The following CUX1 variants were observed in gnomAD, a reference collection of about 807,000 sequenced individuals.
CUX1 encodes protein CASP.
CUX1 carries 31 observed loss-of-function variants against 158.8 expected under a neutral mutation model. The ratio of observed to expected loss-of-function variants is 0.20; its 90% CI spans 0.15 to 0.26. The LOEUF (loss-of-function observed/expected upper bound fraction) is 0.26, where lower values mean the gene tolerates loss of function less well. Ranked by LOEUF, CUX1 falls within the 10% of genes least tolerant of loss-of-function variation. The pLI is 1.00. For synonymous variants in CUX1, 879 were observed against 862.1 expected, an observed-to-expected ratio of 1.02 and a Z score of -0.34; for missense variants, 1,589 against 2,014.6, an observed-to-expected ratio of 0.79 and a Z score of 4.04.
chr7:101,877,775 TGTGTGTGTGTGTG>T (rs1177254530), intron 1 of CUX1, among the ~76,000 whole-genome samples: 1 of 103,824 alleles, frequency 9.6e-6, no homozygotes, highest in Non-Finnish European at 1.8e-5. Context: ...TGTGTGTGTG[TGTGTGTGTGTGTG>T]TGTGTGTGTG....
rs1554546778 is a variant in CUX1, at chr7:102,273,416, A to G, written c.1306A>G (p.Thr436Ala). Residue 436 changes from threonine to alanine, a missense_variant, in exon 15 of 23, where the codon ACT (threonine) becomes GCT (alanine). Thr to Ala is a moderately conservative substitution (Grantham distance 58). Coordinates refer to the CUX1 transcript ENST00000292538. ...TATCACTGAGGCTGTGGCCACAGCC[A>G]CTGAGCAGAGAGAGCTGATCGCCCG... 6 of 1,613,004 alleles carry G rather than the reference A, an allele frequency of 3.7e-6. No homozygotes were observed. The African/African-American group carries it at 6.7e-5, about 18-fold the overall frequency.
intron 3 of CUX1, among the ~76,000 whole-genome samples, chr7:102,047,617 G>C (rs1353924707): frequency 6.6e-6 from 1 of 152,036 alleles, no homozygotes; most frequent in Non-Finnish European, 1.5e-5. Context: ...TGGATGATTA[G>C]AAAGCAGTAT....
At chr7:102,053,779 C>T (rs1413867901) in intron 3 of CUX1, among the ~76,000 whole-genome samples, 1 of 149,036 alleles carries the variant, frequency 6.7e-6, no homozygotes, top group Non-Finnish European at 1.5e-5. Flanking sequence ...TTCAAAACTT[C>T]CATTCTGTGG....
At chr7:102,074,348 G>T (rs985124494) in intron 4 of CUX1, among the ~76,000 whole-genome samples, 2 of 152,218 alleles carry the variant, frequency 1.3e-5, no homozygotes, top group Non-Finnish European at 2.9e-5. Context: ...CTGGATCACA[G>T]GGAGAGCCGC....
Position 101,828,001 on chromosome 7 carries a change from G to C in CUX1, c.30+10332G>C, listed in dbSNP as rs574944656. Reference sequence around the variant, plus strand: ...TTTTTTTTTTTTTTTTTTGAGATGGGAGTTTTACCCTGTCACCCAGGCTGG... The same window carrying C: ...TTTTTTTTTTTTTTTTTTGAGATGGCAGTTTTACCCTGTCACCCAGGCTGG... On this transcript the variant is annotated intron_variant, in intron 1 of 23. Coordinates refer to ENST00000292535, the MANE Select transcript of CUX1 (RefSeq NM_181552.4). Among the ~76,000 whole-genome samples, 7 of 145,834 alleles carry C rather than the reference G, an allele frequency of 4.8e-5. No homozygotes were observed. The East Asian group carries it at 1.2e-3, about 25-fold the overall frequency.
rs1019862485 is a variant in CUX1, at chr7:102,233,902, C to A, written c.3434-150C>A. The A allele has an allele frequency of 1.5e-5, 7 of 479,110 alleles. No individual in the cohort carries two copies. In the Admixed American group the frequency reaches 3.0e-4, roughly 20 times the overall value. 29.7% of individuals were successfully genotyped at this position (479,110 alleles called of 1,614,324 possible). A position where few individuals can be genotyped will look rare whatever the true frequency, so the allele number is the denominator to read the frequency against. On this transcript the variant is annotated intron_variant, in intron 21 of 23. Transcript: ENST00000292535. ...TATAAGTCTGGTTGAAGATATATTTCTACCACATGTTTGCTGTAAGCTAGG... is the reference window on the plus strand; with the variant it reads ...TATAAGTCTGGTTGAAGATATATTTATACCACATGTTTGCTGTAAGCTAGG...
intron 2 of CUX1, among the ~76,000 whole-genome samples, chr7:102,026,387 G>A (rs1428273724): frequency 6.6e-6 from 1 of 152,178 alleles, no homozygotes; most frequent in Non-Finnish European, 1.5e-5. Context: ...ACATATGGCT[G>A]TATGTGTTGA....
At chr7:102,244,747 G>A (rs1409212149) in intron 23 of CUX1, among the ~76,000 whole-genome samples, 1 of 152,096 alleles carries the variant, frequency 6.6e-6, no homozygotes, top group Non-Finnish European at 1.5e-5. Flanking sequence ...TGACGAGATT[G>A]CCAGAACAAC....
intron 6 of CUX1, among the ~76,000 whole-genome samples, chr7:102,107,995 C>G (rs1256904133): frequency 1.3e-5 from 2 of 152,194 alleles, no homozygotes; most frequent in Non-Finnish European, 2.9e-5. Context: ...AGACCCTTGA[C>G]CCCGTTGATA....
intron 8 of CUX1, among the ~76,000 whole-genome samples, chr7:102,127,293 A>T (rs868918614): frequency 6.6e-6 from 1 of 151,952 alleles, no homozygotes; most frequent in South Asian, 2.1e-4. Flanking sequence ...TGCAGCCTCC[A>T]ACTCCTGGGC....
chr7:102,275,344 C>A, exon 17 of CUX1: 1 of 1,612,876 alleles, frequency 6.2e-7, no homozygotes, highest in Non-Finnish European at 8.5e-7. Context: ...GTGCCCGGAA[C>A]CAGGAGCTTG....
At chr7:102,103,801 A>G (rs769621214) in intron 5 of CUX1, among the ~76,000 whole-genome samples, 12 of 151,376 alleles carry the variant, frequency 7.9e-5, no homozygotes, top group Non-Finnish European at 1.5e-4. Context: ...GTAGGTGTCT[A>G]TATTTATAGG....
chr7:101,857,142 C>A (rs914483153), intron 1 of CUX1, among the ~76,000 whole-genome samples: 1 of 152,220 alleles, frequency 6.6e-6, no homozygotes, highest in African/African-American at 2.4e-5. Flanking sequence ...CTGCCCTTAC[C>A]CCGCCCGGTG....
At position 101,941,318 on chromosome 7, in the gene CUX1, A is replaced by G. The variant is rs552215390; in HGVS notation, c.141+25093A>G. On this transcript the variant is annotated intron_variant, in intron 2 of 23. Transcript: ENST00000292535. ...TAGTGAATTGCCAGGATCAACCTGC[A>G]GTTTCCCCAAAACTTGCACAGGAGT... is the stretch of plus-strand genomic sequence containing the variant. 2.6e-5 allele frequency among the ~76,000 whole-genome samples: 4 copies of G among 152,336 alleles called. No homozygotes were observed. In the South Asian group the frequency reaches 8.3e-4, roughly 32 times the overall value.
At chr7:102,111,631 A>G (rs1830894263) in intron 6 of CUX1, 67 bp from the exon 7 acceptor site, 1 of 1,465,786 alleles carries the variant, frequency 6.8e-7, no homozygotes, top group African/African-American at 1.4e-5. Flanking sequence ...AGCTCAGCCG[A>G]AAGGCACACG....
intron 20 of CUX1, among the ~76,000 whole-genome samples, chr7:102,215,229 CTT>C (rs547506149): frequency 1.1e-5 from 1 of 92,750 alleles, no homozygotes; most frequent in African/African-American, 4.3e-5. Flanking sequence ...GTTACTCCAA[CTT>C]TTTTTTTTTT....
intron 1 of CUX1, among the ~76,000 whole-genome samples, chr7:101,858,748 C>G (rs1358561448): frequency 6.6e-6 from 1 of 150,770 alleles, no homozygotes; most frequent in Non-Finnish European, 1.5e-5. Context: ...TCACTGCAAC[C>G]TCCGCCTCCC....
In CUX1 at chr7:102,037,749, A is replaced by C. The variant is rs1457458269; in HGVS notation, c.189+9604A>C. On this transcript the variant is annotated intron_variant, in intron 3 of 23. Transcript: ENST00000292535. ...AAATAGGAGCTTTTTTCATGGAAAG[A>C]TACCCTAAAGAAAGTGGAAACATGG... 3.9e-5 allele frequency among the ~76,000 whole-genome samples: 6 copies of C among 151,980 alleles called. No individual in the cohort carries two copies. The South Asian group carries it at 1.2e-3, about 32-fold the overall frequency.
At chr7:101,967,328 C>T in intron 2 of CUX1, among the ~76,000 whole-genome samples, 1 of 152,142 alleles carries the variant, frequency 6.6e-6, no homozygotes, top group East Asian at 1.9e-4. Flanking sequence ...AATCTTTTTC[C>T]ATTTGCCACA....
Sources: allele counts gnomAD v4.1 joint callset (sites outside exome capture counted in the v4.1 genomes callset), GRCh38; gene constraint gnomAD v4.1.1; transcripts MANE v1.5; gene names NCBI Gene and HGNC (gene_info 2026-07-23, HGNC 2026-07-21).